TXNDC8: variants seen among roughly 807,000 people sequenced by gnomAD.
TXNDC8 encodes the protein thioredoxin domain-containing protein 8.
Under a neutral mutation model 12.9 loss-of-function variants are expected in TXNDC8, and 15 were observed. The observed-to-expected ratio is 1.16, with a 90% CI of 0.78 to 1.79. The LOEUF (loss-of-function observed/expected upper bound fraction) is 1.79, where lower values mean the gene tolerates loss of function less well. Among genes scored for constraint, TXNDC8 ranks in the 40% most tolerant of loss-of-function variants. TXNDC8 has a pLI of 0.00. For missense variants in TXNDC8, 128 were observed against 113.2 expected (o/e 1.13, Z -0.59); for synonymous variants, 40 against 35.4 (o/e 1.13, Z -0.46).
intron 3 of TXNDC8, chr9:110,323,852 T>C (rs948248499): frequency 6.5e-7 from 1 of 1,547,634 alleles, no homozygotes; most frequent in African/African-American, 1.4e-5. Context: ...TCAAATCCAG[T>C]GATATCAAAG....
At chr9:110,323,951 T>C in intron 3 of TXNDC8, 1 of 1,550,930 alleles carries the variant, frequency 6.4e-7, no homozygotes, top group South Asian at 1.2e-5. Flanking sequence ...CAAGGGTCCA[T>C]TTCTGATGGG....
intron 3 of TXNDC8, among the ~76,000 whole-genome samples, chr9:110,325,655 G>C (rs1839284728): frequency 6.6e-6 from 1 of 151,924 alleles, no homozygotes; most frequent in Admixed American, 6.6e-5. Context: ...CGAGTACCTG[G>C]GACTACAGGC....
chr9:110,317,004 C>T (rs544729088), intron 3 of TXNDC8, among the ~76,000 whole-genome samples: 85 of 152,256 alleles, frequency 5.6e-4, no homozygotes, highest in African/African-American at 1.9e-3. Flanking sequence ...GACTGTTCAC[C>T]GACTCTTATT....
At chr9:110,325,572 G>C (rs1389960945) in intron 3 of TXNDC8, among the ~76,000 whole-genome samples, 2 of 148,522 alleles carry the variant, frequency 1.3e-5, no homozygotes, top group Admixed American at 6.8e-5. Flanking sequence ...GCTGGATGGA[G>C]TGCAGTGGCG....
At chr9:110,312,875 C>G (rs1838739683) in intron 3 of TXNDC8, among the ~76,000 whole-genome samples, 1 of 152,118 alleles carries the variant, frequency 6.6e-6, no homozygotes, top group Admixed American at 6.6e-5. Flanking sequence ...GGACTAAATT[C>G]TAATTTCTCT....
chr9:110,308,715 C>T (rs996825014), intron 3 of TXNDC8, among the ~76,000 whole-genome samples: 15 of 152,144 alleles, frequency 9.9e-5, no homozygotes, highest in Non-Finnish European at 2.1e-4. Context: ...TACCACGTAC[C>T]TCCTTCCCCT....
At chr9:110,333,322 G>A (rs1269702038) in intron 2 of TXNDC8, among the ~76,000 whole-genome samples, 1 of 152,190 alleles carries the variant, frequency 6.6e-6, no homozygotes, top group Non-Finnish European at 1.5e-5. Context: ...AACTGTGCAT[G>A]TGAGGGAGCT....
At chr9:110,324,152 G>A (rs912401704) in intron 3 of TXNDC8, among the ~76,000 whole-genome samples, 2 of 152,208 alleles carry the variant, frequency 1.3e-5, no homozygotes, top group African/African-American at 4.8e-5. Context: ...GAGGCCTGAA[G>A]CAGAAGGTAG....
chr9:110,313,831 G>A lies in TXNDC8; in HGVS notation c.196-9299C>T, dbSNP rs965962980. Reference sequence around the variant, plus strand: ...CTATTTTCTTTTCATAGGATGTGAGGCTTCACAAGCTGCTAAAAATAAGCT... The same window carrying A: ...CTATTTTCTTTTCATAGGATGTGAGACTTCACAAGCTGCTAAAAATAAGCT... On this transcript the variant is annotated intron_variant, in intron 3 of 4. Coordinates refer to ENST00000423740, the MANE Select transcript of TXNDC8 (RefSeq NM_001286946.2). 5.9e-5 allele frequency among the ~76,000 whole-genome samples: 9 copies of A among 152,168 alleles called. No homozygotes were observed. In the East Asian group the frequency reaches 1.5e-3, roughly 26 times the overall value.
At chr9:110,329,090 A>C in intron 2 of TXNDC8, 142 bp downstream of exon 3, 1 of 690,476 alleles carries the variant, frequency 1.4e-6, no homozygotes, top group South Asian at 1.8e-5. Context: ...CATAATGAGG[A>C]AGTTTACTGT....
At chr9:110,332,462 A>G (rs756249256) in intron 2 of TXNDC8, among the ~76,000 whole-genome samples, 1 of 152,228 alleles carries the variant, frequency 6.6e-6, no homozygotes, top group Non-Finnish European at 1.5e-5. Context: ...AATATCAAAG[A>G]TTGTGACTGT....
intron 3 of TXNDC8, chr9:110,323,878 C>T: frequency 1.9e-6 from 3 of 1,550,534 alleles, no homozygotes; most frequent in South Asian, 1.2e-5. Context: ...GGTTATTTAC[C>T]TAGCTGCTTA....
intron 2 of TXNDC8, among the ~76,000 whole-genome samples, 171 bp downstream of exon 2, chr9:110,334,045 C>T (rs987992115): frequency 3.3e-5 from 5 of 152,158 alleles, no homozygotes; most frequent in Non-Finnish European, 7.3e-5. Flanking sequence ...GGTGTGTACA[C>T]TTATTATCTA....
At position 110,322,967 on chromosome 9, in the gene TXNDC8, A is replaced by G. The variant is rs142874166; in HGVS notation, c.195+3208T>C. 1.1e-4 allele frequency: 106 copies of G among 985,448 alleles called. No individual in the cohort carries two copies. The African/African-American group carries it at 1.7e-3, about 16-fold the overall frequency. The allele number at this position is 985,448 out of a possible 1,614,324, so 61.0% of individuals were successfully genotyped here. ...AGAAAAATACATGAAGATCTGAGTT[A>G]AACAGAGAAAGGCTTGGAGCAGTAG... is the stretch of plus-strand genomic sequence containing the variant. On this transcript the variant is annotated intron_variant, in intron 3 of 4. Coordinates refer to ENST00000423740, the MANE Select transcript of TXNDC8 (RefSeq NM_001286946.2).
At chr9:110,329,415 T>C (rs372063931) in intron 2 of TXNDC8, 124 bp from the exon 3 acceptor site, 5 of 692,488 alleles carry the variant, frequency 7.2e-6, no homozygotes, top group Non-Finnish European at 1.2e-5. Context: ...CTAAGCATCA[T>C]TCTGACATTT....
Position 110,307,139 on chromosome 9 carries a change from A to G in TXNDC8, c.196-2607T>C, listed in dbSNP as rs993751144. On this transcript the variant is annotated intron_variant, in intron 3 of 4. Coordinates refer to ENST00000423740, the MANE Select transcript of TXNDC8 (RefSeq NM_001286946.2). ...TTTTTAATTTTTAAATTTTTTGTAA[A>G]GGCGAGATCTTGCTGTGTTACCTAG... Among the ~76,000 whole-genome samples, 11 of 151,726 alleles carry G rather than the reference A, an allele frequency of 7.2e-5. No individual in the cohort carries two copies. The South Asian group carries it at 2.3e-3, about 32-fold the overall frequency.
At chr9:110,323,722 G>A in intron 3 of TXNDC8, 5 of 851,796 alleles carry the variant, frequency 5.9e-6, no homozygotes, top group Non-Finnish European at 8.7e-6. Flanking sequence ...ATAGATTCAG[G>A]GTGCAGTCAA....
chr9:110,327,935 A>G (rs934918237), intron 2 of TXNDC8, among the ~76,000 whole-genome samples: 1 of 152,226 alleles, frequency 6.6e-6, no homozygotes, highest in Non-Finnish European at 1.5e-5. Flanking sequence ...CTAGCTGTGT[A>G]TTCTGAATTT....
chr9:110,328,573 G>A (rs1176457326), intron 2 of TXNDC8, among the ~76,000 whole-genome samples: 1 of 152,260 alleles, frequency 6.6e-6, no homozygotes, highest in Non-Finnish European at 1.5e-5. Flanking sequence ...TTGGGAGGCT[G>A]AGGCAGGTGG....
Sources: allele counts gnomAD v4.1 joint callset (sites outside exome capture counted in the v4.1 genomes callset), GRCh38; gene constraint gnomAD v4.1.1; transcripts MANE v1.5; gene names NCBI Gene and HGNC (gene_info 2026-07-23, HGNC 2026-07-21).